RGMB: variants seen among roughly 807,000 people sequenced by gnomAD.
RGMB encodes repulsive guidance molecule B.
In RGMB, 16 loss-of-function variants were observed where a neutral mutation model predicts 26.9. The ratio of observed to expected loss-of-function variants is 0.60; its 90% CI spans 0.40 to 0.90. The LOEUF is 0.90. Ranked by LOEUF, RGMB falls within the 40% of genes least tolerant of loss-of-function variation. The probability of loss-of-function intolerance (pLI) is 0.00; values close to 1 mark genes in which losing one functional copy is unlikely to be tolerated. For synonymous variants in RGMB, 225 were observed against 229.3 expected, an observed-to-expected ratio of 0.98 and a Z score of 0.17; for missense variants, 512 against 573.3, an observed-to-expected ratio of 0.89 and a Z score of 1.09.
At chr5:98,789,923 T>G (rs1746875402) in intron 2 of RGMB, among the ~76,000 whole-genome samples, 1 of 152,238 alleles carries the variant, frequency 6.6e-6, no homozygotes, top group Admixed American at 6.5e-5. Flanking sequence ...GTTTTTACTT[T>G]CTAGTGGCTG....
Position 98,774,221 on chromosome 5 carries a change from C to A in RGMB, c.136+15C>A. 7.1e-7 allele frequency: 1 copy of A among 1,414,578 alleles called. No individual in the cohort carries two copies. The highest frequency in any genetic ancestry group is 3.1e-5 in the Admixed American group (1 of 32,064). 87.6% of individuals were successfully genotyped at this position (1,414,578 alleles called of 1,614,324 possible). On this transcript the variant is annotated intron_variant, in intron 1 of 2. Transcript: ENST00000513185. ...GCTCCACGCAGGTAGGACGGGAGCG[C>A]GCGAGGGGAGCCAGCCCCGGGGCCT...
At chr5:98,775,890 T>A (rs1251576463) in intron 1 of RGMB, among the ~76,000 whole-genome samples, 1 of 152,202 alleles carries the variant, frequency 6.6e-6, no homozygotes, top group Non-Finnish European at 1.5e-5. Flanking sequence ...ACGCTCCTTT[T>A]GAGAGATTTC....
chr5:98,773,907 C>T lies in RGMB; in HGVS notation c.-164C>T. 1 of 534,354 alleles carries T rather than the reference C, an allele frequency of 1.9e-6. No individual in the cohort carries two copies. The allele number at this position is 534,354 out of a possible 1,614,324, so 33.1% of individuals were successfully genotyped here. On this transcript the variant is annotated 5_prime_UTR_variant, in exon 1 of 3. Transcript: ENST00000513185. ...GACTGGCTGCGCCGGCTGCGCGCTG[C>T]TTGCTGCGGCGGTGGTGGCGCCCCA...
intron 2 of RGMB, among the ~76,000 whole-genome samples, chr5:98,789,998 A>G (rs972830009): frequency 4.6e-5 from 7 of 152,252 alleles, no homozygotes; most frequent in African/African-American, 1.7e-4. Flanking sequence ...TTGTTTCTAA[A>G]GTAAGAATTA....
At chr5:98,775,195 A>G (rs1375241818) in intron 1 of RGMB, among the ~76,000 whole-genome samples, 1 of 152,136 alleles carries the variant, frequency 6.6e-6, no homozygotes, top group African/African-American at 2.4e-5. Context: ...CTTCGATGCC[A>G]CCCAACTGTG....
chr5:98,769,432 G>T (rs1361132628), upstream of RGMB: 3 of 152,432 alleles, frequency 2.0e-5, no homozygotes, highest in Non-Finnish European at 4.4e-5. Context: ...CTCTCCCAGA[G>T]CTCATTCTGG....
chr5:98,792,506 G>A (rs1357976715), intron 2 of RGMB, among the ~76,000 whole-genome samples: 2 of 152,076 alleles, frequency 1.3e-5, no homozygotes, highest in Non-Finnish European at 2.9e-5. Flanking sequence ...GATGATGGTG[G>A]GAGGATCGCT....
At chr5:98,779,282 T>C (rs191091158) in intron 1 of RGMB, among the ~76,000 whole-genome samples, 1 of 152,332 alleles carries the variant, frequency 6.6e-6, no homozygotes, top group East Asian at 1.9e-4. Flanking sequence ...ATAAAATATT[T>C]TATTTACTAT....
At chr5:98,780,418 A>G (rs756984988) in intron 2 of RGMB, 12 of 201,244 alleles carry the variant, frequency 6.0e-5, no homozygotes, top group Non-Finnish European at 1.2e-4. Flanking sequence ...TATGTGTGTG[A>G]CTCTTGAAGA....
intron 1 of RGMB, 110 bp from the exon 2 acceptor site, chr5:98,779,470 C>T (rs748569745): frequency 3.7e-5 from 39 of 1,045,392 alleles, no homozygotes; most frequent in Non-Finnish European, 4.8e-5. Context: ...AATAGGAGTA[C>T]AGTGTATAAA....
chr5:98,788,458 T>C (rs980253693), intron 2 of RGMB, among the ~76,000 whole-genome samples: 4 of 152,230 alleles, frequency 2.6e-5, no homozygotes, highest in Non-Finnish European at 5.9e-5. Flanking sequence ...TCAAGTATTT[T>C]CTAGTCCATT....
upstream of RGMB, chr5:98,770,399 A>G: frequency 2.5e-6 from 1 of 398,458 alleles, no homozygotes; most frequent in African/African-American, 2.1e-5. Context: ...GAAGCGCATT[A>G]CCTCCGCGCG....
rs1360974290 is a variant in RGMB at position 98,782,612 on chromosome 5, G to A, written c.645+2524G>A. On this transcript the variant is annotated intron_variant, in intron 2 of 2. Coordinates refer to ENST00000513185, the MANE Select transcript of RGMB (RefSeq NM_001366508.1). ...TGGTCAAGTGTTTTTAATAACCCAC[G>A]TGCTCAGTGCCACTAGATTGAAAGA... Among the ~76,000 whole-genome samples the A allele has an allele frequency of 5.9e-5, 9 of 152,220 alleles. No homozygotes were observed. The South Asian group carries it at 6.2e-4, about 11-fold the overall frequency.
intron 2 of RGMB, among the ~76,000 whole-genome samples, chr5:98,781,543 G>C (rs1746607424): frequency 6.6e-6 from 1 of 152,168 alleles, no homozygotes; most frequent in Non-Finnish European, 1.5e-5. Flanking sequence ...TTACTGCAGA[G>C]TCATATGGCA....
intron 2 of RGMB, among the ~76,000 whole-genome samples, chr5:98,788,353 C>G (rs1746823703): frequency 6.6e-6 from 1 of 152,120 alleles, no homozygotes; most frequent in Non-Finnish European, 1.5e-5. Context: ...GATATGTAGG[C>G]TGAGTGGTGA....
upstream of RGMB, among the ~76,000 whole-genome samples, chr5:98,772,184 T>C (rs554119373): frequency 3.9e-5 from 6 of 152,352 alleles, no homozygotes; most frequent in East Asian, 1.2e-3. Context: ...ATTATGGATA[T>C]ACACAGGCTT....
rs966847738 is a variant in RGMB at position 98,796,341 on chromosome 5, C to G, written c.*2588C>G. 5 of 140,166 alleles carry G rather than the reference C, an allele frequency of 3.6e-5. No homozygotes were observed. The highest frequency in any genetic ancestry group is 2.0e-4 in the East Asian group (1 of 4,990). The allele number at this position is 140,166 out of a possible 1,614,324, so 8.7% of individuals were successfully genotyped here. On this transcript the variant is annotated 3_prime_UTR_variant, in exon 3 of 3. Transcript: ENST00000513185. ...TCTTTGTTATGCTTGGAAGCTCCCC[C>G]CCCCCCAACAGTGTGTCGAGTCTTT...
chr5:98,786,868 GT>G (rs1445621235), intron 2 of RGMB, among the ~76,000 whole-genome samples: 1 of 152,160 alleles, frequency 6.6e-6, no homozygotes, highest in Non-Finnish European at 1.5e-5. Context: ...GGAGAGAGGA[GT>G]TTTTTATGCC....
chr5:98,770,725 T>C (rs1746133567), upstream of RGMB: 1 of 1,175,610 alleles, frequency 8.5e-7, no homozygotes, highest in Non-Finnish European at 1.1e-6. Context: ...CTCTTCCAAG[T>C]TGTACTTTCC....
Sources: allele counts gnomAD v4.1 joint callset (sites outside exome capture counted in the v4.1 genomes callset), GRCh38; gene constraint gnomAD v4.1.1; transcripts MANE v1.5; gene names NCBI Gene and HGNC (gene_info 2026-07-23, HGNC 2026-07-21).